ARHGEF7: variants seen among roughly 807,000 people sequenced by gnomAD.
The protein encoded by ARHGEF7 is PAK-interacting exchange factor beta.
ARHGEF7 carries 33 observed loss-of-function variants against 109.8 expected under a neutral mutation model. That is an observed-to-expected ratio of 0.30 (90% confidence interval 0.23 to 0.40). The LOEUF (loss-of-function observed/expected upper bound fraction) is 0.40, where lower values mean the gene tolerates loss of function less well. Ranked by LOEUF, ARHGEF7 falls within the 10% of genes least tolerant of loss-of-function variation. ARHGEF7 has a pLI of 1.00. For synonymous variants in ARHGEF7, 458 were observed against 424.6 expected, an observed-to-expected ratio of 1.08 and a Z score of -0.97; for missense variants, 938 against 1,098.5, an observed-to-expected ratio of 0.85 and a Z score of 2.07.
At chr13:111,275,838 A>C (rs910751021) in intron 12 of ARHGEF7, 160 bp downstream of exon 12, 14 of 882,804 alleles carry the variant, frequency 1.6e-5, no homozygotes, top group Non-Finnish European at 2.5e-5. Context: ...AGAGAGGCTT[A>C]TGGCATGTTA....
At chr13:111,173,789 AG>A (rs958661751) in intron 2 of ARHGEF7, among the ~76,000 whole-genome samples, 4 of 138,878 alleles carry the variant, frequency 2.9e-5, no homozygotes, top group African/African-American at 1.1e-4. Context: ...CTGGTCTTGG[AG>A]GGTTGGGAGG....
chr13:111,186,483 A>G (rs566736243), intron 2 of ARHGEF7, among the ~76,000 whole-genome samples: 1 of 152,204 alleles, frequency 6.6e-6, no homozygotes, highest in African/African-American at 2.4e-5. Flanking sequence ...AGTGGGTGGG[A>G]TTAAGTACAA....
chr13:111,303,405 T>A lies in ARHGEF7; in HGVS notation c.*292T>A, dbSNP rs926055720. 1 of 213,172 alleles carries A rather than the reference T, an allele frequency of 4.7e-6. No homozygotes were observed. Among genetic ancestry groups the A allele is most frequent in the African/African-American group, 2.3e-5 (1 of 43,824 alleles). 13.2% of individuals were successfully genotyped at this position (213,172 alleles called of 1,614,324 possible). ...TTCAGTGACTGACTAAAAGTCTTGT[T>A]TTTCCAGACTTTGAATTGAATATAT... On this transcript the variant is annotated 3_prime_UTR_variant, in exon 22 of 22. Transcript: ENST00000646102.
At chr13:111,143,220 G>A (rs1211226503) in intron 1 of ARHGEF7, among the ~76,000 whole-genome samples, 1 of 152,236 alleles carries the variant, frequency 6.6e-6, no homozygotes, top group Non-Finnish European at 1.5e-5. Flanking sequence ...GTGAGGCAGA[G>A]TAGATACAGG....
chr13:111,229,428 A>G (rs1385845961), intron 5 of ARHGEF7, among the ~76,000 whole-genome samples: 1 of 152,004 alleles, frequency 6.6e-6, no homozygotes, highest in Non-Finnish European at 1.5e-5. Flanking sequence ...TTTAGTGACC[A>G]TATTTATTTG....
Position 111,220,590 on chromosome 13 carries a change from G to A in ARHGEF7, c.670+2710G>A, listed in dbSNP as rs1007367903. Among the ~76,000 whole-genome samples the A allele has an allele frequency of 5.3e-5, 8 of 152,154 alleles. No individual in the cohort carries two copies. In the East Asian group the frequency reaches 5.8e-4, roughly 11 times the overall value. ...TTGAATGTCGTCAGTGTCATCTGCC[G>A]TGGGAATTTGTCTTGCAGTATGCTG... On this transcript the variant is annotated intron_variant, in intron 5 of 21. Coordinates refer to ENST00000646102, the MANE Select transcript of ARHGEF7 (RefSeq NM_001354046.2).
chr13:111,118,817 T>TA (rs775540191), intron 1 of ARHGEF7, among the ~76,000 whole-genome samples: 15 of 152,352 alleles, frequency 9.8e-5, no homozygotes, highest in Non-Finnish European at 1.8e-4. Flanking sequence ...TAACTCACTA[T>TA]AAAAAACTCA....
rs979063357 is a variant in ARHGEF7, at chr13:111,257,313, T to C, written c.951-10235T>C. ...AATGTATGTCTTGATTTTATTTTAA[T>C]GGTAAATGCCTTTCAATGTATTACA... On this transcript the variant is annotated intron_variant, in intron 8 of 21. Coordinates refer to ENST00000646102, the MANE Select transcript of ARHGEF7 (RefSeq NM_001354046.2). Among the ~76,000 whole-genome samples the C allele has an allele frequency of 6.2e-4, 95 of 152,272 alleles. 2 individuals carry two copies. Among genetic ancestry groups the C allele is most frequent in the Admixed American group, 6.2e-3 (95 of 15,290 alleles).
chr13:111,231,714 G>T (rs143948930), intron 5 of ARHGEF7, among the ~76,000 whole-genome samples: 2 of 152,178 alleles, frequency 1.3e-5, no homozygotes, highest in African/African-American at 2.4e-5. Context: ...TGAGATTGTG[G>T]ATGGGGGACG....
intron 2 of ARHGEF7, among the ~76,000 whole-genome samples, chr13:111,162,592 C>A (rs995247661): frequency 6.6e-6 from 1 of 152,120 alleles, no homozygotes; most frequent in African/African-American, 2.4e-5. Context: ...GGTGGGCAGT[C>A]CAGCATCGTA....
intron 8 of ARHGEF7, among the ~76,000 whole-genome samples, chr13:111,244,765 G>T (rs1364783412): frequency 2.0e-5 from 3 of 152,194 alleles, no homozygotes; most frequent in Non-Finnish European, 4.4e-5. Context: ...TGTGGTTTTG[G>T]ATTGTGAATT....
intron 1 of ARHGEF7, among the ~76,000 whole-genome samples, chr13:111,117,730 C>T (rs1220884238): frequency 1.4e-5 from 2 of 141,862 alleles, no homozygotes; most frequent in Admixed American, 7.0e-5. Flanking sequence ...TTTCTTTCTC[C>T]TTCCTTCCTT....
chr13:111,294,873 T>C, intron 19 of ARHGEF7: 1 of 985,906 alleles, frequency 1.0e-6, no homozygotes, highest in Non-Finnish European at 1.2e-6. Flanking sequence ...GTGTTCCCTT[T>C]GAAATAACGC....
chr13:111,221,827 C>A (rs1027402999), intron 5 of ARHGEF7, among the ~76,000 whole-genome samples: 1 of 151,528 alleles, frequency 6.6e-6, no homozygotes, highest in Non-Finnish European at 1.5e-5. Flanking sequence ...TATATGTGTA[C>A]GTGTACGTAT....
chr13:111,161,458 C>A (rs1430898375), intron 2 of ARHGEF7, among the ~76,000 whole-genome samples: 1 of 152,216 alleles, frequency 6.6e-6, no homozygotes, highest in Non-Finnish European at 1.5e-5. Context: ...GTCACACGTG[C>A]TTGCCCTTTG....
intron 2 of ARHGEF7, among the ~76,000 whole-genome samples, chr13:111,195,301 A>C (rs1027173138): frequency 6.6e-6 from 1 of 152,188 alleles, no homozygotes; most frequent in African/African-American, 2.4e-5. Flanking sequence ...ATTCGTGTAG[A>C]TAATAGCTCC....
rs1317449315 is a variant in ARHGEF7, at chr13:111,153,966, G to C, written c.227G>C (p.Gly76Ala). Residue 76 changes from glycine to alanine, a missense_variant, in exon 2 of 22, where the codon GGC (glycine) becomes GCC (alanine). By Grantham distance (60) the Gly-to-Ala change is moderately conservative. This residue lies in a region of ARHGEF7 where 165 missense variants were observed against 125.8 expected (regional missense o/e 1.31). Transcript: ENST00000646102. ...CLSNIREFLRGCGASLRLETF... is the reference protein window; with the variant it reads ...CLSNIREFLRACGASLRLETF... ...AGCAACATCCGCGAGTTCCTGCGCG[G>C]CTGCGGGGCTTCCCTGCGGCTGGAG... is the stretch of plus-strand genomic sequence containing the variant. 1 of 1,603,620 alleles carries C rather than the reference G, an allele frequency of 6.2e-7. No individual in the cohort carries two copies. Among genetic ancestry groups the C allele is most frequent in the Non-Finnish European group, 8.5e-7 (1 of 1,176,836 alleles).
intron 3 of ARHGEF7, among the ~76,000 whole-genome samples, chr13:111,206,945 G>A (rs1260545251): frequency 2.4e-5 from 3 of 123,400 alleles, no homozygotes; most frequent in African/African-American, 3.1e-5. Context: ...CTGGGCGACA[G>A]AGCGAGACTC....
At chr13:111,143,075 G>C (rs7337260) in intron 1 of ARHGEF7, among the ~76,000 whole-genome samples, 59,791 of 152,014 alleles carry the variant, frequency 0.39, 12,290 homozygotes, top group East Asian at 0.68. Flanking sequence ...GGCAAACAAA[G>C]GCAGGGCCGC....
Sources: allele counts gnomAD v4.1 joint callset (sites outside exome capture counted in the v4.1 genomes callset), GRCh38; gene constraint gnomAD v4.1.1; regional missense constraint gnomAD v4.1.1; transcripts MANE v1.5; gene names NCBI Gene and HGNC (gene_info 2026-07-23, HGNC 2026-07-21).